MYH16: variants seen among roughly 807,000 people sequenced by gnomAD.
MYH16 encodes the protein putative uncharacterized protein MYH16.
intron 6 of MYH16, among the ~76,000 whole-genome samples, chr7:99,251,833 C>T (rs1350667478): frequency 6.6e-6 from 1 of 152,012 alleles, no homozygotes; most frequent in East Asian, 1.9e-4. Flanking sequence ...ATTAGCCGGG[C>T]ATGGCCATGC....
In MYH16 at chr7:99,292,171, C is replaced by T. The variant is rs1347910719; in HGVS notation, n.3953-141C>T. 5 of 341,474 alleles carry T rather than the reference C, an allele frequency of 1.5e-5. No individual in the cohort carries two copies. The East Asian group carries it at 2.3e-4, about 15-fold the overall frequency. 21.2% of individuals were successfully genotyped at this position (341,474 alleles called of 1,614,324 possible). On this transcript the variant is annotated intron_variant and non_coding_transcript_variant, in intron 31 of 41. Transcript: ENST00000439784. ...AGTCATAGGATGAAAATTAAAACCC[C>T]GATGGTTTGGATTGTGGGATCATGT...
intron 21 of MYH16, 31 bp from the exon 4 acceptor site, chr7:99,279,479 T>A: frequency 4.4e-6 from 2 of 455,280 alleles, no homozygotes; most frequent in South Asian, 3.1e-5. Flanking sequence ...GCCTGGACCC[T>A]GTCCTCGACC....
intron 30 of MYH16, 104 bp downstream of exon 11, chr7:99,289,508 AC>A (rs1562783827): frequency 4.9e-6 from 1 of 202,932 alleles, no homozygotes; most frequent in African/African-American, 2.4e-5. Context: ...TCCCGTCCAA[AC>A]CCCTTGTGAT....
intron 5 of MYH16, among the ~76,000 whole-genome samples, chr7:99,250,500 G>A (rs1453262710): frequency 6.6e-6 from 1 of 152,196 alleles, no homozygotes; most frequent in Non-Finnish European, 1.5e-5. Context: ...CAGTACTCTG[G>A]GAGGCTGAGG....
chr7:99,251,378 A>C (rs1791807313), intron 6 of MYH16, among the ~76,000 whole-genome samples: 1 of 152,240 alleles, frequency 6.6e-6, no homozygotes. Flanking sequence ...ACTAATTCAA[A>C]AGACAAATAA....
At chr7:99,260,196 C>T (rs1791924310) in exon 12 of MYH16, 1 of 1,610,468 alleles carries the variant, frequency 6.2e-7, no homozygotes, top group African/African-American at 1.3e-5. Context: ...GCATCAACTT[C>T]ACCAACGAGA....
chr7:99,292,619 C>T (rs763636220), intron 32 of MYH16, 111 bp downstream of exon 13: 189 of 390,228 alleles, frequency 4.8e-4, no homozygotes, highest in Non-Finnish European at 8.2e-4. Flanking sequence ...AGGAAAAGGA[C>T]GTTCACAGGC....
intron 1 of MYH16, among the ~76,000 whole-genome samples, chr7:99,239,738 C>T (rs769743388): frequency 6.6e-6 from 1 of 152,102 alleles, no homozygotes; most frequent in Non-Finnish European, 1.5e-5. Context: ...TGCTATCAGC[C>T]GTGATGGAAG....
chr7:99,266,222 C>G (rs539680011), intron 17 of MYH16, among the ~76,000 whole-genome samples: 1 of 152,196 alleles, frequency 6.6e-6, no homozygotes, highest in Admixed American at 6.5e-5. Context: ...GCTCCAGTTG[C>G]CTGTTGCACT....
At chr7:99,242,267 C>CTT (rs145007362) in intron 1 of MYH16, among the ~76,000 whole-genome samples, 1 of 152,026 alleles carries the variant, frequency 6.6e-6, no homozygotes, top group East Asian at 1.9e-4. Flanking sequence ...TTGCTGGTTT[C>CTT]TTTTTTTTCT....
At chr7:99,262,875 G>A (rs1791950663) in intron 13 of MYH16, among the ~76,000 whole-genome samples, 1 of 152,226 alleles carries the variant, frequency 6.6e-6, no homozygotes, top group African/African-American at 2.4e-5. Flanking sequence ...AAGAGGGGCT[G>A]CATGCTTCCC....
chr7:99,296,779 G>GA (rs1173269382), exon 34 of MYH16: 1 of 456,692 alleles, frequency 2.2e-6, no homozygotes. Context: ...GCAGAAGTGT[G>GA]AGGAGTTGCA....
chr7:99,296,774 A>G (rs902937370), exon 34 of MYH16: 12 of 456,490 alleles, frequency 2.6e-5, no homozygotes, highest in African/African-American at 2.4e-4. Context: ...TGGCAGCAGA[A>G]GTGTGAGGAG....
intron 21 of MYH16, among the ~76,000 whole-genome samples, chr7:99,278,254 C>T (rs1016925837): frequency 1.3e-5 from 2 of 152,068 alleles, no homozygotes; most frequent in Non-Finnish European, 2.9e-5. Context: ...CCATCAAATT[C>T]TTATTTGCAC....
At chr7:99,260,570 G>C (rs1231570914) in intron 12 of MYH16, 1 of 262,752 alleles carries the variant, frequency 3.8e-6, no homozygotes, top group African/African-American at 2.2e-5. Flanking sequence ...TACTGCATGT[G>C]GGGGAGGGGA....
intron 1 of MYH16, among the ~76,000 whole-genome samples, chr7:99,239,581 G>T (rs1319797427): frequency 3.3e-5 from 5 of 152,152 alleles, no homozygotes; most frequent in African/African-American, 1.2e-4. Context: ...GTGTTGCAAG[G>T]ACCCAACCTG....
intron 17 of MYH16, among the ~76,000 whole-genome samples, chr7:99,266,025 T>G (rs1199844374): frequency 6.6e-6 from 1 of 152,156 alleles, no homozygotes; most frequent in Non-Finnish European, 1.5e-5. Flanking sequence ...TATAAATACC[T>G]CAGCTCCCTC....
At chr7:99,309,631 A>C (rs569598107), downstream of MYH16, among the ~76,000 whole-genome samples, 1 of 152,330 alleles carries the variant, frequency 6.6e-6, no homozygotes, top group Non-Finnish European at 1.5e-5. Flanking sequence ...CTTCCTGTAC[A>C]CCCAGACTCA....
At chr7:99,241,806 G>A (rs1475063026) in intron 1 of MYH16, among the ~76,000 whole-genome samples, 3 of 151,780 alleles carry the variant, frequency 2.0e-5, no homozygotes, top group Admixed American at 6.6e-5. Flanking sequence ...TTTCTAGATC[G>A]TATGTCTTCA....
Sources: allele counts gnomAD v4.1 joint callset (sites outside exome capture counted in the v4.1 genomes callset), GRCh38; gene constraint gnomAD v4.1.1; transcripts MANE v1.5; gene names NCBI Gene and HGNC (gene_info 2026-07-23, HGNC 2026-07-21).